Variants in SCMH1 observed in about 807,000 individuals in gnomAD.
The protein encoded by SCMH1 is Scm polycomb group protein homolog 1, also known as polycomb protein SCMH1.
In SCMH1, 37 loss-of-function variants were observed where a neutral mutation model predicts 70.8. The ratio of observed to expected loss-of-function variants is 0.52; its 90% CI spans 0.40 to 0.69. The LOEUF (loss-of-function observed/expected upper bound fraction) is 0.69. Ranked by LOEUF, SCMH1 falls within the 30% of genes least tolerant of loss-of-function variation. The probability of loss-of-function intolerance (pLI) is 0.00; values close to 1 mark genes in which losing one functional copy is unlikely to be tolerated. For synonymous variants in SCMH1, 292 were observed against 307.4 expected (o/e 0.95, Z 0.52); for missense variants, 607 against 827.3 (o/e 0.73, Z 3.27).
intron 4 of SCMH1, chr1:41,152,833 G>T: frequency 7.9e-7 from 1 of 1,271,718 alleles, no homozygotes; most frequent in Non-Finnish European, 1.1e-6. Flanking sequence ...TATAGCTTCT[G>T]TTTTATAACT....
chr1:41,077,418 C>T (rs1160415451), intron 8 of SCMH1, among the ~76,000 whole-genome samples: 1 of 152,100 alleles, frequency 6.6e-6, no homozygotes, highest in Non-Finnish European at 1.5e-5. Flanking sequence ...ATTGGAACTT[C>T]AAAGCTAGAC....
At chr1:41,100,934 T>C (rs1438935500) in intron 8 of SCMH1, among the ~76,000 whole-genome samples, 1 of 152,068 alleles carries the variant, frequency 6.6e-6, no homozygotes, top group East Asian at 1.9e-4. Context: ...CCCTGCAGTC[T>C]AGAGTTTATT....
intron 1 of SCMH1, among the ~76,000 whole-genome samples, chr1:41,236,627 C>A (rs1293243388): frequency 6.6e-6 from 1 of 152,112 alleles, no homozygotes; most frequent in African/African-American, 2.4e-5. Context: ...TTCAGGGCCC[C>A]CCTCTGCCCT....
At chr1:41,156,676 T>G (rs213738) in intron 4 of SCMH1, among the ~76,000 whole-genome samples, 1 of 151,986 alleles carries the variant, frequency 6.6e-6, no homozygotes, top group East Asian at 1.9e-4. Flanking sequence ...TGAGCTCAAG[T>G]GATCTAACTG....
At chr1:41,242,206 G>A (rs1358250802), upstream of SCMH1, 1 of 145,878 alleles carries the variant, frequency 6.9e-6, no homozygotes, top group Non-Finnish European at 1.5e-5. The surrounding 1 kb of genome is among the most constrained non-coding windows in gnomAD (Gnocchi z 5.2). Flanking sequence ...CACCGAGCTG[G>A]CGGTGGCGGC....
intron 10 of SCMH1, among the ~76,000 whole-genome samples, chr1:41,049,919 G>A (rs1647437511): frequency 6.6e-6 from 1 of 151,974 alleles, no homozygotes; most frequent in South Asian, 2.1e-4. Context: ...TGCTAGGTGT[G>A]GTGGCATGTG....
chr1:41,228,491 C>T (rs896772960), intron 1 of SCMH1, among the ~76,000 whole-genome samples: 1 of 151,852 alleles, frequency 6.6e-6, no homozygotes, highest in Non-Finnish European at 1.5e-5. Flanking sequence ...AGCATATAAA[C>T]AATGTAAGGA....
intron 4 of SCMH1, among the ~76,000 whole-genome samples, chr1:41,156,785 A>T (rs1055783882): frequency 6.6e-6 from 1 of 151,878 alleles, no homozygotes; most frequent in African/African-American, 2.4e-5. Flanking sequence ...CATAGTTTAG[A>T]TTTTGATACA....
At chr1:41,175,095 G>A (rs932402927) in intron 2 of SCMH1, among the ~76,000 whole-genome samples, 2 of 152,138 alleles carry the variant, frequency 1.3e-5, no homozygotes, top group Non-Finnish European at 2.9e-5. Context: ...CCAAATAGCT[G>A]GTAAACATTA....
At chr1:41,071,263 AATG>A (rs3030394) in intron 9 of SCMH1, among the ~76,000 whole-genome samples, 98,332 of 151,704 alleles carry the variant, frequency 0.65, 33,383 homozygotes, top group African/African-American at 0.86. Context: ...ACACCTTTAC[AATG>A]ATAAGATGTC....
At chr1:41,124,088 T>C (rs1025567443) in intron 6 of SCMH1, among the ~76,000 whole-genome samples, 33 of 152,056 alleles carry the variant, frequency 2.2e-4, no homozygotes, top group Non-Finnish European at 3.2e-4. Context: ...TGAAAAGTTA[T>C]AAACCTAGAG....
chr1:41,233,866 GTAGA>G (rs1400389019), intron 1 of SCMH1, among the ~76,000 whole-genome samples: 2 of 152,196 alleles, frequency 1.3e-5, no homozygotes, highest in Non-Finnish European at 2.9e-5. Context: ...AGCACAGACT[GTAGA>G]TCCAGACTGC....
chr1:41,087,259 A>G (rs1034621394), intron 8 of SCMH1, among the ~76,000 whole-genome samples: 15 of 152,176 alleles, frequency 9.9e-5, no homozygotes, highest in Non-Finnish European at 1.9e-4. Flanking sequence ...TAAAAAAGAA[A>G]AACAATATAT....
At chr1:41,236,663 C>T (rs779527624) in intron 1 of SCMH1, among the ~76,000 whole-genome samples, 5 of 152,076 alleles carry the variant, frequency 3.3e-5, no homozygotes, top group Non-Finnish European at 7.4e-5. Context: ...CAGGGATGAT[C>T]GGATCCCTAC....
rs1199904320 is a variant in SCMH1 at position 41,113,720 on chromosome 1, T to A, written c.502-194A>T. On this transcript the variant is annotated intron_variant, in intron 7 of 14. Coordinates refer to ENST00000337495, the Ensembl canonical transcript of SCMH1. This position sits in a 1 kb window ranked among gnomAD's most constrained non-coding sequence, Gnocchi z 4.3. ...TATTACTTTATTAATCCTAACATTT[T>A]GACAACTTTGCTTCAGATTTTTTAA... 2.0e-5 allele frequency among the ~76,000 whole-genome samples: 3 copies of A among 152,336 alleles called. No homozygotes were observed. In the South Asian group the frequency reaches 6.2e-4, roughly 32 times the overall value.
chr1:41,113,737 ATT>A lies in SCMH1; in HGVS notation c.502-213_502-212del, dbSNP rs1356746026. 6.6e-6 allele frequency among the ~76,000 whole-genome samples: 1 copy of A among 152,118 alleles called. No homozygotes were observed. The highest frequency in any genetic ancestry group is 1.5e-5 in the Non-Finnish European group (1 of 68,022). On this transcript the variant is annotated intron_variant, in intron 7 of 14. Coordinates refer to ENST00000337495, the Ensembl canonical transcript of SCMH1. This position sits in a 1 kb window ranked among gnomAD's most constrained non-coding sequence, Gnocchi z 4.3. ...TAACATTTTGACAACTTTGCTTCAG[ATT>A]TTTTAAAAAGGAAATAAAAGGTTGC...
chr1:41,130,668 T>A (rs186135005), intron 6 of SCMH1, among the ~76,000 whole-genome samples: 47 of 152,312 alleles, frequency 3.1e-4, no homozygotes, highest in African/African-American at 1.1e-3. Flanking sequence ...CTCTTTTAAG[T>A]ATATAGTTCA....
At chr1:41,033,034 A>G (rs1644770397) in intron 13 of SCMH1, among the ~76,000 whole-genome samples, 1 of 151,326 alleles carries the variant, frequency 6.6e-6, no homozygotes, top group African/African-American at 2.4e-5. Flanking sequence ...GCTCATGCCT[A>G]TAATCCCAGC....
intron 7 of SCMH1, among the ~76,000 whole-genome samples, chr1:41,115,383 A>G (rs1300861048): frequency 1.3e-5 from 2 of 152,186 alleles, no homozygotes; most frequent in Non-Finnish European, 2.9e-5. Context: ...TGACTGTTTT[A>G]TCTTCCTGGT....
Sources: gnomAD v4.1 joint callset for allele counts (sites outside exome capture counted in the v4.1 genomes callset) on GRCh38, gnomAD v4.1.1 for gene constraint, Gnocchi (gnomAD v3.1) non-coding constraint, MANE v1.5 for transcripts, NCBI Gene and HGNC (gene_info 2026-07-23, HGNC 2026-07-21) for gene names.